CACNB4: variants seen among roughly 807,000 people sequenced by gnomAD.
CACNB4 encodes calcium voltage-gated channel auxiliary subunit beta 4.
A neutral mutation model predicts 71.2 loss-of-function variants in CACNB4; 32 were observed. That is an observed-to-expected ratio of 0.45 (90% CI 0.34 to 0.60). The LOEUF is 0.60. Ranked by LOEUF, CACNB4 falls within the 20% of genes least tolerant of loss-of-function variation. The probability of loss-of-function intolerance (pLI) is 0.01; values close to 1 mark genes in which losing one functional copy is unlikely to be tolerated. For missense variants in CACNB4, 464 were observed against 647.9 expected (o/e 0.72, Z 3.08); for synonymous variants, 231 against 236.9 (o/e 0.97, Z 0.23).
At chr2:152,099,065 C>A (rs1688450015), upstream of CACNB4, 1 of 1,297,996 alleles carries the variant, frequency 7.7e-7, no homozygotes, top group African/African-American at 1.6e-5. Context: ...GGGGGCTGGC[C>A]CCCGAGGCTG....
chr2:151,899,721 T>C (rs1054560408), intron 2 of CACNB4, among the ~76,000 whole-genome samples: 4 of 152,258 alleles, frequency 2.6e-5, no homozygotes, highest in African/African-American at 9.6e-5. Context: ...CCAACCATAC[T>C]CGGTGCCCTA....
chr2:152,079,975 C>T (rs1687266488), intron 2 of CACNB4, among the ~76,000 whole-genome samples: 1 of 152,056 alleles, frequency 6.6e-6, no homozygotes, highest in South Asian at 2.1e-4. Context: ...GAATCACAGG[C>T]ATTTCTGAAC....
chr2:151,987,399 A>G (rs1383354510), intron 2 of CACNB4, among the ~76,000 whole-genome samples: 1 of 152,142 alleles, frequency 6.6e-6, no homozygotes, highest in Admixed American at 6.5e-5. Flanking sequence ...CTCTCTCTCC[A>G]TGGGCTATTT....
intron 2 of CACNB4, among the ~76,000 whole-genome samples, chr2:151,930,451 G>A (rs2099861355): frequency 6.6e-6 from 1 of 152,152 alleles, no homozygotes; most frequent in South Asian, 2.1e-4. Context: ...AATCCTTGAA[G>A]TCTTAAAAAT....
chr2:152,053,689 A>G (rs1457300632), intron 2 of CACNB4, among the ~76,000 whole-genome samples: 3 of 151,954 alleles, frequency 2.0e-5, no homozygotes, highest in African/African-American at 4.8e-5. Context: ...ATGCTCAGCT[A>G]ATTTTTCAAT....
chr2:151,853,621 G>T, intron 11 of CACNB4, 78 bp from the exon 12 acceptor site: 2 of 785,602 alleles, frequency 2.5e-6, no homozygotes, highest in Non-Finnish European at 4.2e-6. Flanking sequence ...CTTTTTAATG[G>T]TCTGCTTGGC....
chr2:151,943,358 T>C (rs1442464819), intron 2 of CACNB4, among the ~76,000 whole-genome samples: 2 of 152,134 alleles, frequency 1.3e-5, no homozygotes, highest in African/African-American at 2.4e-5. Context: ...GCTGAAAACA[T>C]AAATGGAATC....
chr2:151,989,425 G>A (rs556684777), intron 2 of CACNB4, among the ~76,000 whole-genome samples: 1 of 152,198 alleles, frequency 6.6e-6, no homozygotes, highest in Admixed American at 6.5e-5. Context: ...CCTCTTTGTT[G>A]CAATTTCTAA....
rs1180752842 is a variant in CACNB4, at chr2:151,834,710, T to C, written c.*4409A>G. On this transcript the variant is annotated 3_prime_UTR_variant, in exon 14 of 14. Transcript: ENST00000539935. ...CAGCTAATTGGATTGACTTGACTGG[T>C]TTGATCATGATTATTTTAAAGAAGA... 6.6e-6 allele frequency: 1 copy of C among 151,916 alleles called. No homozygotes were observed. The highest frequency in any genetic ancestry group is 1.5e-5 in the Non-Finnish European group (1 of 67,826). 9.4% of individuals were successfully genotyped at this position (151,916 alleles called of 1,614,324 possible).
At chr2:152,013,408 T>C (rs550664531) in intron 2 of CACNB4, among the ~76,000 whole-genome samples, 136 of 152,232 alleles carry the variant, frequency 8.9e-4, no homozygotes, top group African/African-American at 3.1e-3. Flanking sequence ...TCATTATGAA[T>C]ACGGAATGTC....
rs545377833 is a variant in CACNB4, at chr2:152,030,076, T to C, written c.147+68254A>G. Among the ~76,000 whole-genome samples, 203 of 152,254 alleles carry C rather than the reference T, an allele frequency of 1.3e-3. 2 individuals carry two copies. Among genetic ancestry groups the C allele is most frequent in the Middle Eastern group, 6.8e-3 (2 of 292 alleles). The stretch of plus-strand genomic sequence containing the variant: ...TGCAAATTCAAGAAGCCTCATTTTC[T>C]TTTTGAGGCAATTGTGAGCACTCTT... On this transcript the variant is annotated intron_variant, in intron 2 of 13. Coordinates refer to ENST00000539935, the MANE Select transcript of CACNB4 (RefSeq NM_000726.5).
chr2:151,974,815 CAAAA>C (rs35540920), intron 2 of CACNB4, among the ~76,000 whole-genome samples: 2 of 137,994 alleles, frequency 1.4e-5, no homozygotes, highest in Non-Finnish European at 3.0e-5. Flanking sequence ...TCTGGTCAAC[CAAAA>C]AAAAAAAAAA....
chr2:151,964,069 GAA>G (rs397825547), intron 2 of CACNB4, among the ~76,000 whole-genome samples: 5 of 99,238 alleles, frequency 5.0e-5, no homozygotes, highest in East Asian at 7.3e-4. Flanking sequence ...CTGTCTCACA[GAA>G]AAAAAAAAAA....
At chr2:151,863,293 T>TGACCTCAGGTGATCTACC (rs1353584648) in intron 9 of CACNB4, among the ~76,000 whole-genome samples, 1 of 152,174 alleles carries the variant, frequency 6.6e-6, no homozygotes, top group Non-Finnish European at 1.5e-5. Context: ...CTCAAACTCC[T>TGACCTCAGGTGATCTACC]GACCTCAGGT....
chr2:152,092,527 G>A (rs1560195309), intron 2 of CACNB4, among the ~76,000 whole-genome samples: 1 of 152,102 alleles, frequency 6.6e-6, no homozygotes, highest in African/African-American at 2.4e-5. Context: ...TTCCAAGGTA[G>A]ATGGTTCCAA....
Position 151,853,534 on chromosome 2 carries a change from G to A in CACNB4, c.1030C>T (p.Arg344Trp). The A allele has an allele frequency of 1.3e-6, 2 of 1,580,926 alleles. No homozygotes were observed. Among genetic ancestry groups the A allele is most frequent in the Non-Finnish European group, 1.7e-6 (2 of 1,160,708 alleles). The change falls in exon 12 of 14, where the codon CGG (arginine) becomes TGG (tryptophan). Residue 344 changes from arginine to tryptophan, a missense_variant. By Grantham distance (101) the Arg-to-Trp change is moderately radical. This residue lies in a region of CACNB4 where 299 missense variants were observed against 471.7 expected (regional missense o/e 0.63). Coordinates refer to ENST00000539935, the MANE Select transcript of CACNB4 (RefSeq NM_000726.5). ...GACTTTCCTCTAGATTTAATCAACC[G>A]CTGTAAAACCTGATAGAAGAAGACA... ...VKVSSPKVLQ[R>W]LIKSRGKSQS...
intron 2 of CACNB4, among the ~76,000 whole-genome samples, chr2:151,950,948 A>T (rs969266442): frequency 1.5e-4 from 23 of 152,064 alleles, no homozygotes; most frequent in Admixed American, 2.6e-4. Flanking sequence ...TTATTTATTT[A>T]TTTTTTTGAG....
intron 2 of CACNB4, among the ~76,000 whole-genome samples, chr2:152,072,097 T>C (rs1324496444): frequency 6.6e-6 from 1 of 152,238 alleles, no homozygotes; most frequent in Non-Finnish European, 1.5e-5. Context: ...AATTTACAGT[T>C]AGATGACAAT....
chr2:151,982,627 C>T (rs1195594753), intron 2 of CACNB4, among the ~76,000 whole-genome samples: 6 of 139,700 alleles, frequency 4.3e-5, no homozygotes, highest in East Asian at 2.0e-4. Context: ...AGCGAGACTC[C>T]GTCTCAAAAA....
Sources: allele counts gnomAD v4.1 joint callset (sites outside exome capture counted in the v4.1 genomes callset), GRCh38; gene constraint gnomAD v4.1.1; regional missense constraint gnomAD v4.1.1; transcripts MANE v1.5; gene names NCBI Gene and HGNC (gene_info 2026-07-23, HGNC 2026-07-21).